Variants in GRID2 observed in about 807,000 individuals in gnomAD.
GRID2 encodes glutamate receptor ionotropic, delta-2.
In GRID2, 33 loss-of-function variants were observed where a neutral mutation model predicts 114.8. The observed-to-expected ratio is 0.29, with a 90% confidence interval of 0.22 to 0.38. The LOEUF (loss-of-function observed/expected upper bound fraction) is 0.38. Among genes scored for constraint, GRID2 ranks in the 10% least tolerant of loss-of-function variants. The pLI is 1.00. For synonymous variants in GRID2, 505 were observed against 449.9 expected (o/e 1.12, Z -1.55); for missense variants, 1,184 against 1,257.7 (o/e 0.94, Z 0.89).
At chr4:93,537,240 T>C (rs1435473) in intron 13 of GRID2, among the ~76,000 whole-genome samples, 83,672 of 151,456 alleles carry the variant, frequency 0.55, 23,737 homozygotes, top group African/African-American at 0.61. Context: ...ATTTTCATTT[T>C]CACCCCATCA....
intron 8 of GRID2, among the ~76,000 whole-genome samples, chr4:93,242,227 AC>A (rs1435942577): frequency 6.6e-6 from 1 of 151,960 alleles, no homozygotes; most frequent in Admixed American, 6.6e-5. Context: ...CAATAATGAG[AC>A]TGGAGGTTTA....
At chr4:92,669,708 G>A (rs1164887744) in intron 2 of GRID2, among the ~76,000 whole-genome samples, 1 of 151,946 alleles carries the variant, frequency 6.6e-6, no homozygotes, top group African/African-American at 2.4e-5. Flanking sequence ...AATAAAGGCA[G>A]CTATCAACTA....
intron 10 of GRID2, among the ~76,000 whole-genome samples, chr4:93,442,610 CGACAGA>C (rs768991607): frequency 1.7e-4 from 26 of 151,760 alleles, no homozygotes; most frequent in South Asian, 4.2e-4. Context: ...AGAGACAGAA[CGACAGA>C]GACAGAGACA....
chr4:93,362,434 G>C (rs373337691), intron 8 of GRID2, among the ~76,000 whole-genome samples: 4 of 151,994 alleles, frequency 2.6e-5, no homozygotes, highest in African/African-American at 9.6e-5. Context: ...GTCAAACTTT[G>C]TCTTAAATGT....
chr4:92,726,315 A>G (rs1321428107), intron 2 of GRID2, among the ~76,000 whole-genome samples: 2 of 152,278 alleles, frequency 1.3e-5, no homozygotes, highest in Admixed American at 6.5e-5. Context: ...CCACAAACAC[A>G]TAAGTAATGC....
chr4:93,720,892 T>G (rs1729307537), intron 14 of GRID2, among the ~76,000 whole-genome samples: 1 of 152,148 alleles, frequency 6.6e-6, no homozygotes, highest in African/African-American at 2.4e-5. Flanking sequence ...AACAACATAT[T>G]CGTTGTTGTT....
intron 14 of GRID2, among the ~76,000 whole-genome samples, chr4:93,652,955 G>T (rs182809694): frequency 8.9e-4 from 136 of 152,204 alleles, no homozygotes; most frequent in Non-Finnish European, 1.6e-3. Flanking sequence ...GAGATGCCTG[G>T]CCAGAGTTCA....
At chr4:92,985,658 G>A (rs1754475233) in intron 2 of GRID2, among the ~76,000 whole-genome samples, 1 of 152,156 alleles carries the variant, frequency 6.6e-6, no homozygotes, top group South Asian at 2.1e-4. Flanking sequence ...CAGAATGAAT[G>A]AAGGTAACAT....
chr4:93,253,483 A>G (rs1020314020), intron 8 of GRID2, among the ~76,000 whole-genome samples: 5 of 152,282 alleles, frequency 3.3e-5, no homozygotes, highest in Non-Finnish European at 7.4e-5. Flanking sequence ...TTAATGTAAA[A>G]TAATGTACAG....
chr4:92,629,435 C>T (rs978062027), intron 2 of GRID2, among the ~76,000 whole-genome samples: 7 of 152,064 alleles, frequency 4.6e-5, no homozygotes, highest in Admixed American at 2.0e-4. Context: ...CCCCATTGAA[C>T]TACTTCAAAA....
chr4:93,758,688 T>TTAATTTTA (rs1732962749), intron 14 of GRID2, among the ~76,000 whole-genome samples: 9 of 152,274 alleles, frequency 5.9e-5, no homozygotes, highest in Middle Eastern at 6.8e-3. Context: ...AGGTTAATTG[T>TTAATTTTA]CAGACTCAAG....
At chr4:93,644,462 T>C (rs1169881492) in intron 14 of GRID2, among the ~76,000 whole-genome samples, 1 of 152,166 alleles carries the variant, frequency 6.6e-6, no homozygotes, top group Non-Finnish European at 1.5e-5. Flanking sequence ...TTTTTAATCT[T>C]TATCCAAAAT....
intron 1 of GRID2, among the ~76,000 whole-genome samples, chr4:92,540,539 G>A (rs1385750422): frequency 2.6e-4 from 40 of 152,238 alleles, no homozygotes; most frequent in African/African-American, 8.2e-4. Context: ...GACACATGAA[G>A]AAATGCTCAT....
rs950735478 is a variant in GRID2, at chr4:92,648,949, T to G, written c.244+58663T>G. On this transcript the variant is annotated intron_variant, in intron 2 of 15. Transcript: ENST00000282020. The stretch of plus-strand genomic sequence containing the variant: ...TCATTATTTCTTTAGAGACAATTAT[T>G]TATGTGTAGAACTAGCTGATATAGA... Among the ~76,000 whole-genome samples, 30 of 140,486 alleles carry G rather than the reference T, an allele frequency of 2.1e-4. 1 individual carries two copies. Among genetic ancestry groups the G allele is most frequent in the African/African-American group, 2.0e-4 (7 of 35,750 alleles). 92.2% of individuals were successfully genotyped at this position (140,486 alleles called of 152,430 possible).
intron 14 of GRID2, among the ~76,000 whole-genome samples, chr4:93,689,567 A>C (rs1355984799): frequency 6.6e-6 from 1 of 151,984 alleles, no homozygotes; most frequent in Non-Finnish European, 1.5e-5. Flanking sequence ...CCTTGAGAAC[A>C]CCTGAGTCAA....
intron 8 of GRID2, among the ~76,000 whole-genome samples, chr4:93,316,219 G>C (rs1262584429): frequency 6.6e-6 from 1 of 151,286 alleles, no homozygotes; most frequent in Non-Finnish European, 1.5e-5. Context: ...AGTAGGTCCA[G>C]CCTGGCTTGT....
intron 2 of GRID2, among the ~76,000 whole-genome samples, chr4:92,687,290 G>A (rs1733954250): frequency 6.6e-6 from 1 of 150,960 alleles, no homozygotes; most frequent in Non-Finnish European, 1.5e-5. Context: ...TGAAGATACT[G>A]TTGACTATAA....
At chr4:93,720,893 CGTT>C (rs375483957) in intron 14 of GRID2, among the ~76,000 whole-genome samples, 3 of 152,068 alleles carry the variant, frequency 2.0e-5, no homozygotes, top group Non-Finnish European at 2.9e-5. Context: ...ACAACATATT[CGTT>C]GTTGTTGTTG....
intron 14 of GRID2, among the ~76,000 whole-genome samples, chr4:93,765,293 C>T (rs1008611923): frequency 6.6e-5 from 10 of 152,202 alleles, no homozygotes; most frequent in Admixed American, 3.3e-4. Context: ...ACTTGTAGCC[C>T]ATGCCAGCCT....
Sources: allele counts gnomAD v4.1 joint callset (sites outside exome capture counted in the v4.1 genomes callset), GRCh38; gene constraint gnomAD v4.1.1; transcripts MANE v1.5; gene names NCBI Gene and HGNC (gene_info 2026-07-23, HGNC 2026-07-21).